Variants in NBAS observed in about 807,000 individuals in gnomAD.
NBAS encodes the protein NBAS subunit of NRZ tethering complex, also known as NAG/BC035112 fusion.
In NBAS, 219 loss-of-function variants were observed where a neutral mutation model predicts 302.5. The ratio of observed to expected loss-of-function variants is 0.72; its 90% CI spans 0.65 to 0.81. The LOEUF is 0.81. Ranked by LOEUF, NBAS falls within the 30% of genes least tolerant of loss-of-function variation. The pLI, the probability that NBAS is intolerant of heterozygous loss-of-function variation, is 0.00. For synonymous variants in NBAS, 1,118 were observed against 1,021.6 expected, an observed-to-expected ratio of 1.09 and a Z score of -1.80; for missense variants, 2,932 against 2,841.6, an observed-to-expected ratio of 1.03 and a Z score of -0.72.
At chr2:15,068,930 G>A in the NBAS span, among the ~76,000 whole-genome samples, 2 of 152,220 alleles carry the variant, frequency 1.3e-5, no homozygotes, top group African/African-American at 4.8e-5. Flanking sequence ...AGAGCCTCCT[G>A]GTTGGTGGGA....
chr2:15,437,714 C>A (rs1240281114), intron 21 of NBAS, among the ~76,000 whole-genome samples: 2 of 152,270 alleles, frequency 1.3e-5, no homozygotes, highest in East Asian at 3.9e-4. Context: ...TTTTTAACTA[C>A]ATAACATTCA....
At chr2:15,007,025 G>T in the NBAS span, among the ~76,000 whole-genome samples, 2 of 152,128 alleles carry the variant, frequency 1.3e-5, no homozygotes, top group African/African-American at 4.8e-5. Flanking sequence ...TCATCATTAA[G>T]GTAGACATTA....
chr2:15,162,242 G>A (rs944557436), downstream of NBAS, among the ~76,000 whole-genome samples: 2 of 152,134 alleles, frequency 1.3e-5, no homozygotes, highest in African/African-American at 2.4e-5. Context: ...CCCATCTGCC[G>A]GCCTAAGATT....
chr2:14,987,769 T>A, the NBAS span, among the ~76,000 whole-genome samples: 1 of 152,172 alleles, frequency 6.6e-6, no homozygotes, highest in Non-Finnish European at 1.5e-5. Context: ...AGATTTTCTC[T>A]TATGCCTAGA....
At chr2:15,471,160 C>T (rs1679942215) in intron 16 of NBAS, among the ~76,000 whole-genome samples, 1 of 152,134 alleles carries the variant, frequency 6.6e-6, no homozygotes, top group Non-Finnish European at 1.5e-5. Context: ...CAAAAACTGT[C>T]CTTTACTGTA....
At chr2:15,020,602 G>A in the NBAS span, among the ~76,000 whole-genome samples, 11 of 152,258 alleles carry the variant, frequency 7.2e-5, 1 homozygote, top group South Asian at 6.2e-4. Flanking sequence ...GGACCAAGAC[G>A]CAGAGGAAAT....
At chr2:15,412,981 C>T (rs1676753140) in intron 25 of NBAS, among the ~76,000 whole-genome samples, 2 of 152,232 alleles carry the variant, frequency 1.3e-5, no homozygotes, top group African/African-American at 2.4e-5. Context: ...CCCTATCTTA[C>T]TGCAACTGAC....
At chr2:15,269,706 T>C (rs1247808023) in intron 44 of NBAS, among the ~76,000 whole-genome samples, 1 of 152,230 alleles carries the variant, frequency 6.6e-6, no homozygotes, top group Non-Finnish European at 1.5e-5. Flanking sequence ...AACTTCTAAA[T>C]GCCTTCATGC....
chr2:15,122,620 T>C, the NBAS span, among the ~76,000 whole-genome samples: 1 of 152,014 alleles, frequency 6.6e-6, no homozygotes, highest in East Asian at 1.9e-4. Context: ...GTATGAGGAC[T>C]AGAAATGTTA....
Position 15,167,041 on chromosome 2 carries a change from G to A in NBAS, c.*7C>T, listed in dbSNP as rs927812176. ...TTTCTGCTAAGGAGCAGGGCCACAG[G>A]TGGCCCTCACACCCAGTGCTGTGCT... is the stretch of plus-strand genomic sequence containing the variant. On this transcript the variant is annotated 3_prime_UTR_variant, in exon 52 of 52. Coordinates refer to ENST00000281513, the MANE Select transcript of NBAS (RefSeq NM_015909.4). 3.9e-6 allele frequency: 6 copies of A among 1,534,838 alleles called. No individual in the cohort carries two copies. The highest frequency in any genetic ancestry group is 5.3e-6 in the Non-Finnish European group (6 of 1,140,296).
the NBAS span, among the ~76,000 whole-genome samples, chr2:15,060,919 G>C: frequency 1.3e-5 from 2 of 152,228 alleles, no homozygotes; most frequent in African/African-American, 4.8e-5. Context: ...ACACAACATA[G>C]GTGGCTCAAA....
the NBAS span, among the ~76,000 whole-genome samples, chr2:15,124,471 C>A: frequency 2.6e-5 from 4 of 152,322 alleles, no homozygotes; most frequent in African/African-American, 9.6e-5. Context: ...TGTAGAGCGA[C>A]CACTTGCTAG....
chr2:15,496,359 A>AG (rs1218173759), intron 11 of NBAS, among the ~76,000 whole-genome samples: 4 of 152,112 alleles, frequency 2.6e-5, no homozygotes, highest in African/African-American at 9.7e-5. Flanking sequence ...TAAGGGATGC[A>AG]GGGTTTTTTT....
At chr2:15,433,052 C>A (rs2148494940) in intron 21 of NBAS, among the ~76,000 whole-genome samples, 1 of 152,280 alleles carries the variant, frequency 6.6e-6, no homozygotes, top group South Asian at 2.1e-4. Context: ...CTCCTCCCAC[C>A]ACGAGTTTAA....
the NBAS span, among the ~76,000 whole-genome samples, chr2:14,813,942 C>T: frequency 3.3e-5 from 5 of 152,200 alleles, no homozygotes; most frequent in African/African-American, 9.6e-5. Flanking sequence ...AGCCTTGAGA[C>T]GTGGTGCCCT....
Position 15,184,283 on chromosome 2 carries a change from A to T in NBAS, c.6711+2459T>A, listed in dbSNP as rs544196530. Among the ~76,000 whole-genome samples, 3 of 152,272 alleles carry T rather than the reference A, an allele frequency of 2.0e-5. No homozygotes were observed. In the East Asian group the frequency reaches 5.8e-4, roughly 29 times the overall value. On this transcript the variant is annotated intron_variant, in intron 50 of 51. Transcript: ENST00000281513. Reference sequence around the variant, plus strand: ...AAAATTATTCCATGGACTATGGAATAGTCCACCCCATGGAGGGGATAGTTT... The same window carrying T: ...AAAATTATTCCATGGACTATGGAATTGTCCACCCCATGGAGGGGATAGTTT...
chr2:15,342,895 A>C (rs1038384088), intron 35 of NBAS, among the ~76,000 whole-genome samples: 1 of 151,996 alleles, frequency 6.6e-6, no homozygotes, highest in Non-Finnish European at 1.5e-5. Context: ...ACTAAAGAAA[A>C]CATTATAAAC....
chr2:15,232,152 T>C (rs1667407156), intron 47 of NBAS, among the ~76,000 whole-genome samples: 1 of 152,152 alleles, frequency 6.6e-6, no homozygotes, highest in African/African-American at 2.4e-5. Flanking sequence ...CAGAGCAGTT[T>C]CTGCCCTGAC....
At chr2:15,323,471 G>T (rs561161539) in intron 38 of NBAS, among the ~76,000 whole-genome samples, 1 of 152,190 alleles carries the variant, frequency 6.6e-6, no homozygotes, top group Non-Finnish European at 1.5e-5. Context: ...GGACACATGA[G>T]GCTGGGGAGA....
Sources: gnomAD v4.1 joint callset for allele counts (sites outside exome capture counted in the v4.1 genomes callset) on GRCh38, gnomAD v4.1.1 for gene constraint, MANE v1.5 for transcripts, NCBI Gene and HGNC (gene_info 2026-07-23, HGNC 2026-07-21) for gene names.